Variants in ST6GALNAC5 observed in about 807,000 individuals in gnomAD.
ST6GALNAC5 encodes the protein alpha-N-acetylgalactosaminide alpha-2,6-sialyltransferase 5.
Under a neutral mutation model 33.6 loss-of-function variants are expected in ST6GALNAC5, and 27 were observed. The observed-to-expected ratio is 0.80, with a 90% CI of 0.59 to 1.11. The LOEUF is 1.11. Ranked by LOEUF, ST6GALNAC5 falls within the 50% of genes least tolerant of loss-of-function variation. The pLI, the probability that ST6GALNAC5 is intolerant of heterozygous loss-of-function variation, is 0.00. For missense variants in ST6GALNAC5, 428 were observed against 454.0 expected, an observed-to-expected ratio of 0.94 and a Z score of 0.52; for synonymous variants, 194 against 171.2, an observed-to-expected ratio of 1.13 and a Z score of -1.04.
chr1:76,930,520 T>G (rs1166523201), intron 2 of ST6GALNAC5, among the ~76,000 whole-genome samples: 1 of 152,142 alleles, frequency 6.6e-6, no homozygotes, highest in African/African-American at 2.4e-5. Flanking sequence ...ACTTTCTTCC[T>G]CTCTCCAGAA....
At chr1:77,056,526 A>G (rs143797373) in intron 4 of ST6GALNAC5, among the ~76,000 whole-genome samples, 1 of 152,334 alleles carries the variant, frequency 6.6e-6, no homozygotes, top group East Asian at 1.9e-4. Flanking sequence ...TATGAAGGAC[A>G]TCTCAAAGGT....
intron 2 of ST6GALNAC5, among the ~76,000 whole-genome samples, chr1:76,965,114 T>C (rs535265687): frequency 6.6e-6 from 1 of 152,258 alleles, no homozygotes; most frequent in East Asian, 1.9e-4. Flanking sequence ...ATCCTTTGGG[T>C]ATATACCCAG....
chr1:77,011,928 AC>A (rs1435714537), intron 2 of ST6GALNAC5, among the ~76,000 whole-genome samples: 1 of 152,156 alleles, frequency 6.6e-6, no homozygotes, highest in Non-Finnish European at 1.5e-5. Context: ...CTTCACAATG[AC>A]TTTTTGAAGG....
At chr1:76,985,750 C>CT (rs1402987086) in intron 2 of ST6GALNAC5, among the ~76,000 whole-genome samples, 1 of 152,176 alleles carries the variant, frequency 6.6e-6, no homozygotes, top group African/African-American at 2.4e-5. Context: ...TACCTGACTT[C>CT]AAACTATACT....
intron 2 of ST6GALNAC5, among the ~76,000 whole-genome samples, chr1:77,034,745 C>G (rs1226061283): frequency 6.6e-6 from 1 of 152,226 alleles, no homozygotes; most frequent in Non-Finnish European, 1.5e-5. Context: ...GGCAGCATGT[C>G]AAACAAGGGA....
chr1:76,928,843 A>C (rs566546715), intron 2 of ST6GALNAC5, among the ~76,000 whole-genome samples: 1 of 152,060 alleles, frequency 6.6e-6, no homozygotes, highest in East Asian at 1.9e-4. Context: ...TGTCTCCCTT[A>C]TGTGCACTTT....
At chr1:76,892,251 T>G (rs1315622680) in intron 2 of ST6GALNAC5, among the ~76,000 whole-genome samples, 2 of 152,236 alleles carry the variant, frequency 1.3e-5, no homozygotes, top group African/African-American at 2.4e-5. Flanking sequence ...CTATACCTCT[T>G]TTATGACTGC....
chr1:76,950,716 C>T (rs1197757008), intron 2 of ST6GALNAC5, among the ~76,000 whole-genome samples: 1 of 151,874 alleles, frequency 6.6e-6, no homozygotes, highest in African/African-American at 2.4e-5. Flanking sequence ...GGAGGAAAGA[C>T]AAGGGTAGAG....
chr1:77,059,374 A>G (rs1376331650), intron 4 of ST6GALNAC5, among the ~76,000 whole-genome samples: 1 of 152,252 alleles, frequency 6.6e-6, no homozygotes, highest in African/African-American at 2.4e-5. Context: ...CCTGCATTTC[A>G]TGACACTTTT....
At position 76,935,657 on chromosome 1, in the gene ST6GALNAC5, C is replaced by T. The variant is rs144225771; in HGVS notation, c.261+66915C>T. ...TTTTTTCCTCATAAAGGGGAAATTG[C>T]CCAGTTTTTGAATAATTGAACTGCA... On this transcript the variant is annotated intron_variant, in intron 2 of 4. Coordinates refer to ENST00000477717, the MANE Select transcript of ST6GALNAC5 (RefSeq NM_030965.3). 9.2e-5 allele frequency among the ~76,000 whole-genome samples: 14 copies of T among 151,978 alleles called. No individual in the cohort carries two copies. In the East Asian group the frequency reaches 2.7e-3, roughly 29 times the overall value.
intron 2 of ST6GALNAC5, among the ~76,000 whole-genome samples, chr1:76,925,753 T>G (rs1647080051): frequency 6.6e-6 from 1 of 152,270 alleles, no homozygotes; most frequent in African/African-American, 2.4e-5. Context: ...ATTTCTTCCA[T>G]CTCTTGAACT....
intron 2 of ST6GALNAC5, among the ~76,000 whole-genome samples, chr1:76,927,484 G>C (rs1218387598): frequency 6.6e-6 from 1 of 151,792 alleles, no homozygotes; most frequent in African/African-American, 2.4e-5. Flanking sequence ...ATTGGGAAAG[G>C]GACAAAGAGT....
At chr1:76,891,593 G>T (rs1172808482) in intron 2 of ST6GALNAC5, among the ~76,000 whole-genome samples, 1 of 152,014 alleles carries the variant, frequency 6.6e-6, no homozygotes, top group African/African-American at 2.4e-5. Context: ...TTTTGATGAT[G>T]CTAATTTATC....
chr1:76,880,415 A>G (rs1011435183), intron 2 of ST6GALNAC5, among the ~76,000 whole-genome samples: 2 of 152,218 alleles, frequency 1.3e-5, no homozygotes, highest in Non-Finnish European at 2.9e-5. Flanking sequence ...AAAAATCTGT[A>G]TTAGTCAGCA....
chr1:76,899,541 C>A (rs538475741), intron 2 of ST6GALNAC5, among the ~76,000 whole-genome samples: 177 of 152,234 alleles, frequency 1.2e-3, no homozygotes, highest in Non-Finnish European at 2.0e-3. Context: ...GGTGAAGGAC[C>A]AAGGCAGGCG....
At chr1:76,876,330 T>C (rs1217904112) in intron 2 of ST6GALNAC5, among the ~76,000 whole-genome samples, 3 of 152,128 alleles carry the variant, frequency 2.0e-5, no homozygotes, top group East Asian at 1.9e-4. Flanking sequence ...GCTGAGCCCA[T>C]GTGTAACCTC....
intron 2 of ST6GALNAC5, among the ~76,000 whole-genome samples, chr1:76,926,646 C>T (rs568787738): frequency 6.6e-6 from 1 of 152,228 alleles, no homozygotes; most frequent in African/African-American, 2.4e-5. Context: ...TTCAGTGAAG[C>T]TCCTTGTACA....
chr1:76,912,259 T>A (rs1223451774), intron 2 of ST6GALNAC5, among the ~76,000 whole-genome samples: 1 of 152,192 alleles, frequency 6.6e-6, no homozygotes, highest in Non-Finnish European at 1.5e-5. Flanking sequence ...TAATCCTGAG[T>A]TCTAGTTTGA....
intron 2 of ST6GALNAC5, among the ~76,000 whole-genome samples, chr1:77,012,830 G>A (rs771840329): frequency 4.6e-5 from 7 of 152,166 alleles, no homozygotes; most frequent in Non-Finnish European, 8.8e-5. Context: ...AAAATGGTTC[G>A]TTCCCAAGAA....
Sources: allele counts gnomAD v4.1 joint callset (sites outside exome capture counted in the v4.1 genomes callset), GRCh38; gene constraint gnomAD v4.1.1; transcripts MANE v1.5; gene names NCBI Gene and HGNC (gene_info 2026-07-23, HGNC 2026-07-21).